The following AQR variants were observed in gnomAD, a reference collection of about 807,000 sequenced individuals.
AQR encodes RNA helicase aquarius.
In AQR, 61 loss-of-function variants were observed where a neutral mutation model predicts 180.5. The observed-to-expected ratio is 0.34, with a 90% CI of 0.28 to 0.42. AQR has a LOEUF of 0.42. Ranked by LOEUF, AQR falls within the 10% of genes least tolerant of loss-of-function variation. AQR has a pLI of 1.00. For synonymous variants in AQR, 551 were observed against 588.8 expected (o/e 0.94, Z 0.93); for missense variants, 1,281 against 1,798.3 (o/e 0.71, Z 5.20).
At chr15:34,880,530 A>G (rs1892956923) in intron 27 of AQR, among the ~76,000 whole-genome samples, 1 of 152,232 alleles carries the variant, frequency 6.6e-6, no homozygotes, top group Non-Finnish European at 1.5e-5. Flanking sequence ...AGAAAACTAA[A>G]CAAACAAAAA....
In AQR at chr15:34,893,690, C is replaced by T; in HGVS notation, c.2544G>A (p.Arg848=). 1.2e-6 allele frequency: 2 copies of T among 1,611,694 alleles called. No homozygotes were observed. The highest frequency in any genetic ancestry group is 1.7e-6 in the Non-Finnish European group (2 of 1,179,220). Reference sequence around the variant, plus strand: ...GATTGGAATGAGTAACAATTAGAGTCCTCTGTTCTGGGAAGTTGTGGTAGA... The same window carrying T: ...GATTGGAATGAGTAACAATTAGAGTTCTCTGTTCTGGGAAGTTGTGGTAGA... ...SNIYHNFPEQ[R]TLIVTHSNQA... is the part of the protein sequence containing the mutation. Residue 848 remains arginine (R), a synonymous_variant, in exon 23 of 35, where the codon AGG becomes AGA. Transcript: ENST00000156471.
At chr15:34,943,463 A>ATAAG (rs1894059158) in intron 6 of AQR, 1 of 482,434 alleles carries the variant, frequency 2.1e-6, no homozygotes, top group Non-Finnish European at 3.3e-6. Flanking sequence ...AAATAAATAA[A>ATAAG]TAAATAAATA....
intron 16 of AQR, among the ~76,000 whole-genome samples, chr15:34,913,585 T>C (rs1026744576): frequency 2.6e-5 from 4 of 152,214 alleles, no homozygotes; most frequent in Admixed American, 1.3e-4. Context: ...AAAAAAATTT[T>C]TTTTATTAAC....
intron 14 of AQR, among the ~76,000 whole-genome samples, chr15:34,919,822 T>C (rs1190857121): frequency 6.6e-6 from 1 of 151,858 alleles, no homozygotes; most frequent in Non-Finnish European, 1.5e-5. Flanking sequence ...CACTTGAACC[T>C]GGGAGGCAGA....
intron 1 of AQR, 103 bp from the exon 2 acceptor site, chr15:34,964,393 C>CTGTCCCCCAGTGCCGAGTAG: frequency 3.2e-6 from 3 of 940,340 alleles, no homozygotes; most frequent in Non-Finnish European, 5.1e-6. Flanking sequence ...AGGCCCTACT[C>CTGTCCCCCAGTGCCGAGTAG]GGCACTGGGG....
In AQR at chr15:34,897,709, C is replaced by T. The variant is rs1196373954; in HGVS notation, c.2244-4G>A. 12 of 1,613,524 alleles carry T rather than the reference C, an allele frequency of 7.4e-6. No individual in the cohort carries two copies. The East Asian group carries it at 2.7e-4, about 36-fold the overall frequency. ...ACTTCTTACTGGAAAAGTTATCCTA[C>T]AAGACCAAAACTTCTGTTCATTTTT... On this transcript the variant is annotated splice_polypyrimidine_tract_variant and splice_region_variant and intron_variant, in intron 20 of 34. Coordinates refer to ENST00000156471, the MANE Select transcript of AQR (RefSeq NM_014691.3).
intron 30 of AQR, among the ~76,000 whole-genome samples, chr15:34,871,956 TA>T (rs11321995): frequency 0.087 from 11,895 of 136,292 alleles, 509 homozygotes; most frequent in Middle Eastern, 0.12. Flanking sequence ...ACACAATATT[TA>T]AAAAAAAAAA....
intron 1 of AQR, among the ~76,000 whole-genome samples, chr15:34,968,333 A>T (rs2050322987): frequency 6.6e-6 from 1 of 151,504 alleles, no homozygotes; most frequent in East Asian, 2.0e-4. Context: ...GCTCACTGCA[A>T]GCTCCGCCTC....
At chr15:34,920,978 TAAC>T (rs1361954530) in intron 13 of AQR, among the ~76,000 whole-genome samples, 2 of 151,942 alleles carry the variant, frequency 1.3e-5, no homozygotes, top group Admixed American at 1.3e-4. Flanking sequence ...ACAATAATAA[TAAC>T]AATACTAAGA....
At chr15:34,895,174 AAAAAAAAAAAAAAAT>A (rs1893215785) in intron 22 of AQR, among the ~76,000 whole-genome samples, 1 of 52,124 alleles carries the variant, frequency 1.9e-5, no homozygotes, top group African/African-American at 5.7e-5. Context: ...AAAAAAAAAA[AAAAAAAAAAAAAAAT>A]ATATATATAT....
At chr15:34,953,391 G>A (rs564205594) in intron 3 of AQR, among the ~76,000 whole-genome samples, 1 of 152,210 alleles carries the variant, frequency 6.6e-6, no homozygotes, top group South Asian at 2.1e-4. Flanking sequence ...CACTAATTTA[G>A]CTTTATCGTT....
At chr15:34,857,531 C>T (rs551429924) in intron 34 of AQR, among the ~76,000 whole-genome samples, 11 of 152,202 alleles carry the variant, frequency 7.2e-5, no homozygotes, top group Admixed American at 3.3e-4. Context: ...AGGCGGATCA[C>T]TTGAGGCCAG....
Position 34,890,202 on chromosome 15 carries a change from C to T in AQR, c.2681+13G>A, listed in dbSNP as rs1390482780. On this transcript the variant is annotated intron_variant, in intron 24 of 34. Coordinates refer to ENST00000156471, the MANE Select transcript of AQR (RefSeq NM_014691.3). ...ATCCTTTTTTACACTGTTACTCACT[C>T]CCATTTGCTCACCTGCTGAAATCTT... 6.2e-7 allele frequency: 1 copy of T among 1,603,796 alleles called. No individual in the cohort carries two copies. Among genetic ancestry groups the T allele is most frequent in the Non-Finnish European group, 8.5e-7 (1 of 1,174,590 alleles).
intron 15 of AQR, among the ~76,000 whole-genome samples, chr15:34,916,024 C>G (rs536238601): frequency 1.3e-4 from 20 of 151,970 alleles, no homozygotes; most frequent in African/African-American, 4.8e-4. Flanking sequence ...TATGAGTGAT[C>G]TGTATGTAAA....
chr15:34,886,444 A>C lies in AQR; in HGVS notation c.2817+82T>G. The C allele has an allele frequency of 2.1e-6, 3 of 1,430,302 alleles. No individual in the cohort carries two copies. The Admixed American group carries it at 7.4e-5, about 35-fold the overall frequency. The allele number at this position is 1,430,302 out of a possible 1,614,324, so 88.6% of individuals were successfully genotyped here. ...CTACTCAAAAAAATAAGCTTTCATG[A>C]AGGATCACAAGAACTCATTCCAGCT... On this transcript the variant is annotated intron_variant, in intron 25 of 34. Transcript: ENST00000156471.
chr15:34,911,926 T>TA (rs1327631134), intron 16 of AQR, among the ~76,000 whole-genome samples: 5 of 152,194 alleles, frequency 3.3e-5, no homozygotes, highest in Admixed American at 2.0e-4. Context: ...GTTCAGGTCT[T>TA]ACGTTAAAAT....
Position 34,948,294 on chromosome 15 carries a change from C to T in AQR, c.300G>A (p.Glu100=), listed in dbSNP as rs1455430861. 3 of 1,613,672 alleles carry T rather than the reference C, an allele frequency of 1.9e-6. No individual in the cohort carries two copies. The highest frequency in any genetic ancestry group is 2.5e-6 in the Non-Finnish European group (3 of 1,179,934). ...YLMSICCMVN[E]KFRENVPAWE... ...ATGCAGGCACGTTTTCTCTAAACTT[C>T]TCATTCACCATACAGCAGATTGACA... Residue 100 remains glutamate, a synonymous_variant, in exon 5 of 35, where the codon GAG becomes GAA. Transcript: ENST00000156471.
At chr15:34,934,695 T>G in intron 9 of AQR, 60 bp from the exon 10 acceptor site, 2 of 1,151,390 alleles carry the variant, frequency 1.7e-6, no homozygotes, top group Admixed American at 5.1e-5. Context: ...GCATGCTGTT[T>G]CTGAAAACTG....
intron 3 of AQR, among the ~76,000 whole-genome samples, chr15:34,959,053 G>A (rs968724823): frequency 6.6e-6 from 1 of 152,006 alleles, no homozygotes; most frequent in African/African-American, 2.4e-5. Flanking sequence ...CCGTCTGTCT[G>A]ACCTACTAGA....
Sources: allele counts gnomAD v4.1 joint callset (sites outside exome capture counted in the v4.1 genomes callset), GRCh38; gene constraint gnomAD v4.1.1; transcripts MANE v1.5; gene names NCBI Gene and HGNC (gene_info 2026-07-23, HGNC 2026-07-21).